BABAM2: variants seen among roughly 807,000 people sequenced by gnomAD.
The protein encoded by BABAM2 is BRISC and BRCA1-A complex member 2.
BABAM2 carries 31 observed loss-of-function variants against 54.7 expected under a neutral mutation model. The ratio of observed to expected loss-of-function variants is 0.57; its 90% CI spans 0.43 to 0.77. BABAM2 has a LOEUF of 0.77. Among genes scored for constraint, BABAM2 ranks in the 30% least tolerant of loss-of-function variants. The pLI, the probability that BABAM2 is intolerant of heterozygous loss-of-function variation, is 0.00. For missense variants in BABAM2, 364 were observed against 455.8 expected (o/e 0.80, Z 1.83); for synonymous variants, 167 against 162.9 (o/e 1.03, Z -0.19).
At chr2:28,301,761 G>A (rs971132817) in intron 11 of BABAM2, among the ~76,000 whole-genome samples, 1 of 152,076 alleles carries the variant, frequency 6.6e-6, no homozygotes, top group African/African-American at 2.4e-5. Flanking sequence ...TACTGCTTTG[G>A]AATCTCTTTG....
At chr2:28,273,208 C>T (rs769037409) in intron 10 of BABAM2, among the ~76,000 whole-genome samples, 4 of 152,182 alleles carry the variant, frequency 2.6e-5, no homozygotes, top group Admixed American at 6.5e-5. Context: ...CTCATTTGCC[C>T]GTCTCTTTTC....
chr2:28,238,055 G>A (rs1682077527), intron 8 of BABAM2, among the ~76,000 whole-genome samples: 1 of 152,036 alleles, frequency 6.6e-6, no homozygotes, highest in African/African-American at 2.4e-5. Flanking sequence ...TCACCATGTT[G>A]GCCAGGCTAG....
intron 7 of BABAM2, among the ~76,000 whole-genome samples, chr2:28,138,309 C>G (rs1670723118): frequency 6.6e-6 from 1 of 152,056 alleles, no homozygotes; most frequent in African/African-American, 2.4e-5. Flanking sequence ...AAATTGACAC[C>G]TAGACATATC....
chr2:27,914,121 A>G (rs776843250), intron 2 of BABAM2, among the ~76,000 whole-genome samples: 1 of 152,208 alleles, frequency 6.6e-6, no homozygotes, highest in Non-Finnish European at 1.5e-5. Flanking sequence ...GGAAAGCATT[A>G]CACTCTAATG....
At chr2:27,964,477 G>A (rs1016488080) in intron 3 of BABAM2, among the ~76,000 whole-genome samples, 2 of 152,200 alleles carry the variant, frequency 1.3e-5, no homozygotes, top group African/African-American at 4.8e-5. Flanking sequence ...AACCAATAAT[G>A]TAGTGCAATT....
At chr2:28,281,638 G>A (rs934240009) in intron 10 of BABAM2, among the ~76,000 whole-genome samples, 7 of 152,248 alleles carry the variant, frequency 4.6e-5, no homozygotes, top group African/African-American at 9.6e-5. Context: ...CTTTTATTTC[G>A]GACGTGTAGT....
intron 7 of BABAM2, among the ~76,000 whole-genome samples, chr2:28,230,346 G>T (rs1681261797): frequency 6.6e-6 from 1 of 152,056 alleles, no homozygotes. Context: ...ATGGCTCAAA[G>T]TTGAATCTAT....
intron 7 of BABAM2, among the ~76,000 whole-genome samples, chr2:28,166,904 T>G (rs1015167786): frequency 3.9e-5 from 6 of 152,186 alleles, no homozygotes; most frequent in Non-Finnish European, 4.4e-5. Flanking sequence ...GAGTTTTAAA[T>G]GCCTACTGGA....
At chr2:27,976,433 A>G (rs1042853164) in intron 3 of BABAM2, among the ~76,000 whole-genome samples, 1 of 152,128 alleles carries the variant, frequency 6.6e-6, no homozygotes, top group East Asian at 1.9e-4. Flanking sequence ...GCCTTATGCT[A>G]AGTGAAAGAA....
intron 7 of BABAM2, among the ~76,000 whole-genome samples, chr2:28,199,965 A>G (rs1678083608): frequency 6.6e-6 from 1 of 152,174 alleles, no homozygotes; most frequent in Non-Finnish European, 1.5e-5. Context: ...TTCATTTTGA[A>G]TGTGTTAATG....
At chr2:28,326,595 T>C (rs1690481321) in intron 11 of BABAM2, among the ~76,000 whole-genome samples, 1 of 152,180 alleles carries the variant, frequency 6.6e-6, no homozygotes, top group African/African-American at 2.4e-5. Context: ...CAGGTTATGA[T>C]GGGCACGGCA....
At chr2:27,891,844 G>C (rs1664878273) in intron 1 of BABAM2, among the ~76,000 whole-genome samples, 1 of 151,970 alleles carries the variant, frequency 6.6e-6, no homozygotes, top group South Asian at 2.1e-4. Context: ...CTAAAGTCAC[G>C]ACCGTTGCTG....
intron 11 of BABAM2, among the ~76,000 whole-genome samples, chr2:28,305,841 CA>C (rs1486101659): frequency 1.3e-5 from 2 of 152,042 alleles, no homozygotes; most frequent in Admixed American, 6.6e-5. Context: ...GCTTAGGTCA[CA>C]ATTTTAATCC....
intron 7 of BABAM2, among the ~76,000 whole-genome samples, chr2:28,170,112 T>G (rs1674156636): frequency 6.6e-6 from 1 of 152,088 alleles, no homozygotes; most frequent in Admixed American, 6.5e-5. Context: ...AAATTAAAAT[T>G]TGAAATTTTA....
intron 4 of BABAM2, chr2:27,996,514 T>G (rs953677097): frequency 3.2e-5 from 4 of 125,316 alleles, no homozygotes; most frequent in African/African-American, 1.2e-4. Context: ...GATCTCAAAT[T>G]CTAAATGTTG....
At chr2:28,327,320 C>A in intron 11 of BABAM2, 1 of 1,613,794 alleles carries the variant, frequency 6.2e-7, no homozygotes. Context: ...GGAGCAAGTC[C>A]TGGCCTTTGC....
intron 2 of BABAM2, among the ~76,000 whole-genome samples, chr2:27,929,550 T>C (rs1667947273): frequency 6.6e-6 from 1 of 152,252 alleles, no homozygotes; most frequent in African/African-American, 2.4e-5. Flanking sequence ...ATTTTAAAAG[T>C]CGAGATATGC....
At chr2:28,256,666 T>C (rs1239530142) in intron 10 of BABAM2, among the ~76,000 whole-genome samples, 1 of 151,812 alleles carries the variant, frequency 6.6e-6, no homozygotes, top group Non-Finnish European at 1.5e-5. Context: ...CAATTAAGTA[T>C]TTTTCATATG....
chr2:28,007,085 T>C (rs1416786794), intron 4 of BABAM2, among the ~76,000 whole-genome samples: 1 of 151,952 alleles, frequency 6.6e-6, no homozygotes, highest in African/African-American at 2.4e-5. Flanking sequence ...AGCATCAGTA[T>C]TATTATTAAC....
Sources: allele counts gnomAD v4.1 joint callset (sites outside exome capture counted in the v4.1 genomes callset), GRCh38; gene constraint gnomAD v4.1.1; transcripts MANE v1.5; gene names NCBI Gene and HGNC (gene_info 2026-07-23, HGNC 2026-07-21).